Variants in CAPG observed in about 807,000 individuals in gnomAD.
CAPG encodes macrophage-capping protein.
A neutral mutation model predicts 44.6 loss-of-function variants in CAPG; 32 were observed. The observed-to-expected ratio is 0.72, with a 90% confidence interval of 0.54 to 0.96. CAPG has a LOEUF of 0.96. Ranked by LOEUF, CAPG falls within the 50% of genes least tolerant of loss-of-function variation. The pLI is 0.00. For missense variants in CAPG, 412 were observed against 438.3 expected (o/e 0.94, Z 0.54); for synonymous variants, 175 against 179.6 (o/e 0.97, Z 0.20).
intron 7 of CAPG, chr2:85,398,353 T>G: frequency 1.6e-6 from 1 of 628,572 alleles, no homozygotes; most frequent in Admixed American, 3.0e-5. Context: ...CCCCAATCCC[T>G]GCAGCACAGG....
intron 8 of CAPG, among the ~76,000 whole-genome samples, chr2:85,396,405 G>A (rs1056805098): frequency 1.3e-5 from 2 of 152,018 alleles, no homozygotes; most frequent in Admixed American, 1.3e-4. Context: ...TGTTGCCCAG[G>A]CTGCCAGACA....
At chr2:85,414,227 TGTTCACTTCCATTC>T (rs1465654267), upstream of CAPG, among the ~76,000 whole-genome samples, 3 of 152,206 alleles carry the variant, frequency 2.0e-5, no homozygotes, top group Admixed American at 1.3e-4. Context: ...AGAATTGCAG[TGTTCACTTCCATTC>T]AATCGTTAGG....
At chr2:85,412,854 C>T (rs149870799), upstream of CAPG, among the ~76,000 whole-genome samples, 377 of 152,136 alleles carry the variant, frequency 2.5e-3, 1 homozygote, top group African/African-American at 8.9e-3. Context: ...CTCCTGGAGC[C>T]TCCCTGTGCC....
At chr2:85,392,979 A>C (rs937956042), downstream of CAPG, among the ~76,000 whole-genome samples, 1 of 152,028 alleles carries the variant, frequency 6.6e-6, no homozygotes, top group African/African-American at 2.4e-5. Context: ...TTAAATTTAC[A>C]GTTCTGTTAA....
chr2:85,398,399 A>G lies in CAPG; in HGVS notation c.760-247T>C, dbSNP rs531250195. ...CCATTTGGAAATTAGGTGGATTCCAAATTACAAAGAAATGCACAGAATTCA... is the reference window on the plus strand; with the variant it reads ...CCATTTGGAAATTAGGTGGATTCCAGATTACAAAGAAATGCACAGAATTCA... On this transcript the variant is annotated intron_variant, in intron 7 of 9. Coordinates refer to ENST00000263867, the MANE Select transcript of CAPG (RefSeq NM_001747.4). 4 of 587,236 alleles carry G rather than the reference A, an allele frequency of 6.8e-6. No individual in the cohort carries two copies. In the East Asian group the frequency reaches 8.5e-5, roughly 13 times the overall value. 36.4% of individuals were successfully genotyped at this position (587,236 alleles called of 1,614,324 possible).
chr2:85,399,213 T>C lies in CAPG; in HGVS notation c.589A>G (p.Ile197Val). Residue 197 changes from isoleucine (I) to valine (V), a missense_variant, in exon 6 of 10, where the codon ATC becomes GTC. Physicochemically the swap from Ile to Val is conservative, Grantham distance 29. Coordinates refer to ENST00000263867, the MANE Select transcript of CAPG (RefSeq NM_001747.4). ...RNKARDLALA[I>V]RDSERQGKAQ... ...TTGCCCTGTCGCTCACTGTCCCGGA[T>C]GGCCAGGGCCAGGTCCCTCGCCTTG... 6.2e-7 allele frequency: 1 copy of C among 1,614,224 alleles called. No individual in the cohort carries two copies. The highest frequency in any genetic ancestry group is 1.1e-5 in the South Asian group (1 of 91,088).
chr2:85,397,255 A>G (rs1361935777), intron 8 of CAPG, among the ~76,000 whole-genome samples: 1 of 152,240 alleles, frequency 6.6e-6, no homozygotes, highest in Non-Finnish European at 1.5e-5. Context: ...CAGCACAGAC[A>G]TAACCCATAA....
In CAPG at chr2:85,398,168, A is replaced by C. The variant is rs1254645613; in HGVS notation, c.760-16T>G. 3 of 1,611,342 alleles carry C rather than the reference A, an allele frequency of 1.9e-6. No individual in the cohort carries two copies. The highest frequency in any genetic ancestry group is 2.5e-6 in the Non-Finnish European group (3 of 1,179,116). Reference sequence around the variant, plus strand: ...CATCAGAGACCTGGGGAGGAGGGACAGTGCCTGATCTCACCCCCCACACAC... The same window carrying C: ...CATCAGAGACCTGGGGAGGAGGGACCGTGCCTGATCTCACCCCCCACACAC... On this transcript the variant is annotated splice_polypyrimidine_tract_variant and intron_variant, in intron 7 of 9. Transcript: ENST00000263867.
chr2:85,397,263 T>C (rs1686642047), intron 8 of CAPG, among the ~76,000 whole-genome samples: 1 of 152,164 alleles, frequency 6.6e-6, no homozygotes, highest in Non-Finnish European at 1.5e-5. Flanking sequence ...ACATAACCCA[T>C]AACCTTGTTA....
At position 85,409,465 on chromosome 2, in the gene CAPG, C is replaced by T. The variant is rs78406028; in HGVS notation, c.-14+852G>A. Among the ~76,000 whole-genome samples the T allele has an allele frequency of 2.3e-3, 356 of 152,202 alleles. 7 individuals are homozygous for T. In the East Asian group the frequency reaches 0.061, roughly 26 times the overall value. On this transcript the variant is annotated intron_variant, in intron 1 of 9. Coordinates refer to ENST00000263867, the MANE Select transcript of CAPG (RefSeq NM_001747.4). ...GCCATCAGAGGGACAAAAATCCTGC[C>T]GGGGTCCAGTGGTACCTTTGCCTTC...
At chr2:85,394,728 G>A, downstream of CAPG, 3 of 675,256 alleles carry the variant, frequency 4.4e-6, no homozygotes, top group Non-Finnish European at 8.2e-6. Flanking sequence ...GTGGGTGACA[G>A]TGAGAATCAG....
chr2:85,404,737 G>C (rs1687067573), intron 1 of CAPG, among the ~76,000 whole-genome samples: 1 of 151,880 alleles, frequency 6.6e-6, no homozygotes, highest in Non-Finnish European at 1.5e-5. Context: ...GACAGAGCAA[G>C]ACTCTGTCTC....
At chr2:85,408,338 TCA>T (rs71390065) in intron 1 of CAPG, among the ~76,000 whole-genome samples, 8,081 of 129,444 alleles carry the variant, frequency 0.062, 285 homozygotes, top group South Asian at 0.14. Flanking sequence ...GAAGAATCTG[TCA>T]CACACACACA....
At chr2:85,414,854 T>A (rs534000972), upstream of CAPG, among the ~76,000 whole-genome samples, 2 of 152,328 alleles carry the variant, frequency 1.3e-5, no homozygotes, top group South Asian at 2.1e-4. Context: ...TGGAAATGTG[T>A]TGGACAGCGA....
chr2:85,399,354 G>A, intron 5 of CAPG, 69 bp from the exon 6 acceptor site: 1 of 1,520,432 alleles, frequency 6.6e-7, no homozygotes, highest in Non-Finnish European at 9.0e-7. Context: ...TCAGAGAAGG[G>A]CGCACAGCTC....
downstream of CAPG, among the ~76,000 whole-genome samples, chr2:85,393,810 C>G (rs540957001): frequency 6.6e-6 from 1 of 152,176 alleles, no homozygotes; most frequent in Non-Finnish European, 1.5e-5. Flanking sequence ...ATGATCCGCC[C>G]GTCTTGCCCT....
chr2:85,414,941 AG>A (rs1016265111), upstream of CAPG, among the ~76,000 whole-genome samples: 19 of 152,218 alleles, frequency 1.2e-4, no homozygotes, highest in African/African-American at 4.3e-4. Context: ...AAAGAGCATG[AG>A]GATCAGGCCA....
At chr2:85,398,887 C>A (rs1247515079) in intron 6 of CAPG, 105 bp from the exon 7 acceptor site, 15 of 915,890 alleles carry the variant, frequency 1.6e-5, no homozygotes, top group Non-Finnish European at 2.5e-5. Context: ...CTGCGCCCTG[C>A]ACTAGGGCAC....
In CAPG at chr2:85,401,227, C is replaced by A. The variant is rs142762000; in HGVS notation, c.454G>T (p.Glu152Ter). 7.7e-5 allele frequency: 125 copies of A among 1,614,050 alleles called. No homozygotes were observed. The highest frequency in any genetic ancestry group is 9.7e-5 in the Non-Finnish European group (114 of 1,180,022). The change falls in exon 5 of 10, where the codon GAG (glutamate) becomes TAG (stop). Residue 152 changes from glutamate (E) to a stop codon, truncating the protein, a stop_gained. Coordinates refer to ENST00000263867, the MANE Select transcript of CAPG (RefSeq NM_001747.4). LOFTEE classifies it high-confidence loss of function. ...VKGKKNIRAT[E>*]RALNWDSFNT... The stretch of plus-strand genomic sequence containing the variant: ...AAGCTGTCCCAGTTCAGTGCCCGCT[C>A]GGTGGCACGGATGTTCTTCTTCCCC...
Sources: allele counts gnomAD v4.1 joint callset (sites outside exome capture counted in the v4.1 genomes callset), GRCh38; gene constraint gnomAD v4.1.1; transcripts MANE v1.5; gene names NCBI Gene and HGNC (gene_info 2026-07-23, HGNC 2026-07-21).